The following NDUFAF6 variants were observed in gnomAD, a reference collection of about 807,000 sequenced individuals.
The protein encoded by NDUFAF6 is NADH:ubiquinone oxidoreductase complex assembly factor 6, also known as NADH dehydrogenase (ubiquinone) complex I, assembly factor 6.
In NDUFAF6, 45 loss-of-function variants were observed where a neutral mutation model predicts 40.8. The observed-to-expected ratio is 1.10, with a 90% confidence interval of 0.87 to 1.42. The LOEUF is 1.42. Ranked by LOEUF, NDUFAF6 falls within the 40% of genes most tolerant of loss-of-function variation. The probability of loss-of-function intolerance (pLI) is 0.00; values close to 1 mark genes in which losing one functional copy is unlikely to be tolerated. For missense variants in NDUFAF6, 435 were observed against 418.5 expected, an observed-to-expected ratio of 1.04 and a Z score of -0.34; for synonymous variants, 185 against 155.9, an observed-to-expected ratio of 1.19 and a Z score of -1.39.
At chr8:94,949,908 A>C (rs1822424554) in intron 2 of NDUFAF6, 1 of 151,942 alleles carries the variant, frequency 6.6e-6, no homozygotes, top group African/African-American at 2.4e-5. Context: ...GGGTGCTGGG[A>C]GGGGGCCGCT....
At chr8:95,027,809 G>A (rs1828349126) in intron 1 of NDUFAF6, among the ~76,000 whole-genome samples, 2 of 152,198 alleles carry the variant, frequency 1.3e-5, no homozygotes, top group Admixed American at 1.3e-4. Flanking sequence ...CTGAAATTAT[G>A]CAGGGTTGTT....
chr8:95,076,854 C>T (rs1808642795), downstream of NDUFAF6, among the ~76,000 whole-genome samples: 1 of 121,934 alleles, frequency 8.2e-6, no homozygotes, highest in East Asian at 2.4e-4. Context: ...GCCTGGGCAA[C>T]AAGAGCGAAA....
At chr8:94,907,326 C>T (rs1818457548) in intron 1 of NDUFAF6, among the ~76,000 whole-genome samples, 2 of 152,152 alleles carry the variant, frequency 1.3e-5, no homozygotes, top group South Asian at 4.1e-4. Context: ...AAAGAATCTG[C>T]AGTTGTTGGA....
chr8:94,959,285 T>A (rs1823354584), intron 1 of NDUFAF6, among the ~76,000 whole-genome samples: 1 of 152,270 alleles, frequency 6.6e-6, no homozygotes, highest in South Asian at 2.1e-4. Flanking sequence ...TCTCCCAGGA[T>A]GTAAAGGAGG....
At chr8:95,072,492 T>A (rs1261734969) in intron 9 of NDUFAF6, among the ~76,000 whole-genome samples, 1 of 152,136 alleles carries the variant, frequency 6.6e-6, no homozygotes, top group African/African-American at 2.4e-5. Context: ...CCTGGGTAGG[T>A]AGAGAAGAGA....
downstream of NDUFAF6, among the ~76,000 whole-genome samples, chr8:95,063,001 G>A (rs959287414): frequency 1.3e-5 from 2 of 152,172 alleles, no homozygotes; most frequent in Non-Finnish European, 2.9e-5. Flanking sequence ...CACATGGGAC[G>A]TTCAAGAAAC....
rs180678532 is a variant in NDUFAF6 at position 94,899,612 on chromosome 8, C to T, written c.-936+3685C>T. ...GCCTAAGATCCACAGTAGAGTCTGA[C>T]TCCAGCTCACCTGTGCTGTGCTGCC... On this transcript the variant is annotated intron_variant, in intron 1 of 14. Coordinates refer to the NDUFAF6 transcript ENST00000396113. 2.0e-4 allele frequency among the ~76,000 whole-genome samples: 31 copies of T among 152,340 alleles called. No homozygotes were observed. The East Asian group carries it at 5.4e-3, about 27-fold the overall frequency.
At chr8:95,013,243 G>A (rs1325494398) in intron 2 of NDUFAF6, among the ~76,000 whole-genome samples, 1 of 151,990 alleles carries the variant, frequency 6.6e-6, no homozygotes, top group Non-Finnish European at 1.5e-5. Flanking sequence ...GGAAGTACAG[G>A]TGTACACCAC....
upstream of NDUFAF6, among the ~76,000 whole-genome samples, chr8:95,098,740 A>G (rs1809553948): frequency 6.6e-6 from 1 of 152,164 alleles, no homozygotes; most frequent in Non-Finnish European, 1.5e-5. Context: ...GATCTAATTC[A>G]AAGTAGATCA....
intron 1 of NDUFAF6, among the ~76,000 whole-genome samples, chr8:94,901,471 A>G (rs1563693612): frequency 6.6e-6 from 1 of 152,070 alleles, no homozygotes; most frequent in Non-Finnish European, 1.5e-5. Flanking sequence ...GACAAGTAAA[A>G]GGCAAGCAAC....
At chr8:94,956,703 G>C (rs1409940331), upstream of NDUFAF6, among the ~76,000 whole-genome samples, 2 of 152,148 alleles carry the variant, frequency 1.3e-5, no homozygotes, top group East Asian at 3.8e-4. Context: ...GATGGAGGGT[G>C]GGGTTAGGAC....
intron 2 of NDUFAF6, among the ~76,000 whole-genome samples, chr8:95,017,979 A>G (rs1210814959): frequency 6.6e-6 from 1 of 152,246 alleles, no homozygotes; most frequent in Non-Finnish European, 1.5e-5. Flanking sequence ...TATGGAGAAT[A>G]AGATAATGTA....
chr8:94,953,301 G>A (rs1163572054), upstream of NDUFAF6, among the ~76,000 whole-genome samples: 1 of 150,706 alleles, frequency 6.6e-6, no homozygotes, highest in Non-Finnish European at 1.5e-5. Flanking sequence ...AGCCGAGATC[G>A]CACCATTGCA....
chr8:95,001,393 C>G (rs1385121565), intron 2 of NDUFAF6, among the ~76,000 whole-genome samples: 1 of 152,110 alleles, frequency 6.6e-6, no homozygotes, highest in Non-Finnish European at 1.5e-5. Context: ...TCATCCCCAC[C>G]TCGAGAGAGC....
At chr8:95,079,719 C>CT (rs11440357), downstream of NDUFAF6, among the ~76,000 whole-genome samples, 103,783 of 146,588 alleles carry the variant, frequency 0.71, 36,755 homozygotes, top group East Asian at 0.89. Context: ...TTTTTTTAGA[C>CT]TTTTTTTTTT....
chr8:94,919,893 CCA>C (rs1294952634), intron 1 of NDUFAF6, among the ~76,000 whole-genome samples: 1 of 152,184 alleles, frequency 6.6e-6, no homozygotes, highest in Non-Finnish European at 1.5e-5. Flanking sequence ...ATTAAGAAAT[CCA>C]CACTTGGACC....
At chr8:95,052,139 A>AT (rs890517985) in intron 7 of NDUFAF6, 35 bp from the exon 8 acceptor site, 4 of 1,610,680 alleles carry the variant, frequency 2.5e-6, no homozygotes, top group Non-Finnish European at 3.4e-6. Context: ...TATTTGCTTA[A>AT]TTTTGAACGA....
chr8:94,906,543 G>A (rs942288016), intron 1 of NDUFAF6, among the ~76,000 whole-genome samples: 17 of 152,142 alleles, frequency 1.1e-4, no homozygotes, highest in Admixed American at 3.3e-4. Flanking sequence ...TCCAAGCAGG[G>A]CCAAAGTCCT....
chr8:94,923,716 G>A (rs541144946), intron 1 of NDUFAF6, among the ~76,000 whole-genome samples: 2 of 143,782 alleles, frequency 1.4e-5, no homozygotes, highest in South Asian at 2.2e-4. Context: ...GTCTCGCTCT[G>A]TCGCCCAGTC....
Sources: allele counts gnomAD v4.1 joint callset (sites outside exome capture counted in the v4.1 genomes callset), GRCh38; gene constraint gnomAD v4.1.1; transcripts MANE v1.5; gene names NCBI Gene and HGNC (gene_info 2026-07-23, HGNC 2026-07-21).